Variants in CHST9 observed in about 807,000 individuals in gnomAD.
CHST9 encodes the protein carbohydrate sulfotransferase 9.
CHST9 carries 41 observed loss-of-function variants against 44.4 expected under a neutral mutation model. That is an observed-to-expected ratio of 0.92 (90% CI 0.72 to 1.20). The LOEUF is 1.20. Among genes scored for constraint, CHST9 ranks in the 50% most tolerant of loss-of-function variants. CHST9 has a pLI of 0.00. For synonymous variants in CHST9, 171 were observed against 178.4 expected, an observed-to-expected ratio of 0.96 and a Z score of 0.33; for missense variants, 504 against 516.5, an observed-to-expected ratio of 0.98 and a Z score of 0.23.
intron 4 of CHST9, among the ~76,000 whole-genome samples, chr18:26,957,337 C>T (rs554124348): frequency 3.3e-5 from 5 of 152,246 alleles, no homozygotes; most frequent in African/African-American, 1.2e-4. Context: ...TTTATGGAAA[C>T]TGTTGGTTGA....
At chr18:27,026,993 G>A (rs565260807) in intron 3 of CHST9, among the ~76,000 whole-genome samples, 74 of 152,272 alleles carry the variant, frequency 4.9e-4, no homozygotes, top group African/African-American at 1.7e-3. Context: ...TAAGTGAATA[G>A]GTCTAGAGCT....
chr18:26,929,163 C>T (rs1367508364), intron 5 of CHST9, among the ~76,000 whole-genome samples: 1 of 152,124 alleles, frequency 6.6e-6, no homozygotes, highest in Non-Finnish European at 1.5e-5. Context: ...AGAAAAGGAA[C>T]ACCCTACAAC....
rs185401780 is a variant in CHST9 at position 27,145,256 on chromosome 18, A to G, written c.-96-2351T>C. On this transcript the variant is annotated intron_variant, in intron 1 of 5. Coordinates refer to ENST00000618847, the MANE Select transcript of CHST9 (RefSeq NM_031422.6). ...GCCCAGGCTGGAGTGCAGTGCCGCA[A>G]TCTTGGCTCGCCGCAACCTCCACCT... Among the ~76,000 whole-genome samples the G allele has an allele frequency of 1.9e-4, 29 of 152,230 alleles. No homozygotes were observed. In the East Asian group the frequency reaches 4.1e-3, roughly 21 times the overall value.
chr18:27,100,435 T>G (rs183813400), intron 2 of CHST9, among the ~76,000 whole-genome samples: 1 of 151,738 alleles, frequency 6.6e-6, no homozygotes, highest in African/African-American at 2.4e-5. Context: ...AAAAGATAAA[T>G]AAGTGCTAGC....
chr18:27,075,510 G>A (rs2057894395), intron 2 of CHST9, among the ~76,000 whole-genome samples: 1 of 129,732 alleles, frequency 7.7e-6, no homozygotes, highest in Non-Finnish European at 1.6e-5. Context: ...ACTCCAAGTA[G>A]TCTGACATTC....
rs767048741 is a variant in CHST9 at position 26,916,669 on chromosome 18, C to T, written c.922G>A (p.Ala308Thr). 2.6e-5 allele frequency: 42 copies of T among 1,613,724 alleles called. No homozygotes were observed. The highest frequency in any genetic ancestry group is 3.5e-5 in the Non-Finnish European group (41 of 1,179,808). ...TTTGGTCGATATTTCTTGATAATTG[C>T]CTTTCCGAATACTGGATGGTAATAA... Reference protein sequence around the residue: ...NSYYHPVFGKAIIKKYRPNAC... With the variant: ...NSYYHPVFGKTIIKKYRPNAC... Residue 308 changes from alanine (A) to threonine (T), a missense_variant, in exon 6 of 6, where the codon GCA becomes ACA. Transcript: ENST00000618847.
intron 1 of CHST9, among the ~76,000 whole-genome samples, chr18:27,148,445 C>T (rs921809958): frequency 8.4e-6 from 1 of 119,688 alleles, no homozygotes; most frequent in Non-Finnish European, 1.6e-5. Flanking sequence ...GTGTGATGTT[C>T]CCCTTCCTGT....
intron 1 of CHST9, among the ~76,000 whole-genome samples, chr18:27,169,401 A>C (rs999197975): frequency 6.6e-6 from 1 of 152,176 alleles, no homozygotes; most frequent in African/African-American, 2.4e-5. Context: ...AAAAAATATA[A>C]GGCAAAAATT....
At chr18:27,151,243 T>C (rs1184112315) in intron 1 of CHST9, among the ~76,000 whole-genome samples, 1 of 152,156 alleles carries the variant, frequency 6.6e-6, no homozygotes, top group Non-Finnish European at 1.5e-5. Context: ...ATCATTTCTA[T>C]ATGTTTTCAC....
At chr18:27,057,579 C>T (rs2057671751) in intron 2 of CHST9, among the ~76,000 whole-genome samples, 1 of 152,182 alleles carries the variant, frequency 6.6e-6, no homozygotes, top group South Asian at 2.1e-4. Context: ...TGCTAGGACG[C>T]TTAGGCAAAG....
At chr18:26,983,259 C>T (rs1046475249) in intron 4 of CHST9, among the ~76,000 whole-genome samples, 4 of 152,132 alleles carry the variant, frequency 2.6e-5, no homozygotes, top group Non-Finnish European at 5.9e-5. Flanking sequence ...TTCTGGGTCC[C>T]TGATAGTTTG....
chr18:26,994,642 T>G (rs145942934), intron 4 of CHST9, among the ~76,000 whole-genome samples: 28 of 152,238 alleles, frequency 1.8e-4, no homozygotes, highest in African/African-American at 6.5e-4. Flanking sequence ...CAGGCTGAAG[T>G]GCAGTGGTGC....
chr18:27,163,962 T>C (rs1390547583), intron 1 of CHST9, among the ~76,000 whole-genome samples: 2 of 152,158 alleles, frequency 1.3e-5, no homozygotes, highest in Non-Finnish European at 2.9e-5. Flanking sequence ...GCTCCACCCT[T>C]GTTTCACACA....
intron 1 of CHST9, among the ~76,000 whole-genome samples, chr18:27,175,938 A>C (rs2058864920): frequency 6.6e-6 from 1 of 152,082 alleles, no homozygotes; most frequent in Admixed American, 6.6e-5. Context: ...AAAGGGATTT[A>C]ATTCAATTTA....
At chr18:26,926,760 T>A (rs2055775968) in intron 5 of CHST9, among the ~76,000 whole-genome samples, 1 of 152,232 alleles carries the variant, frequency 6.6e-6, no homozygotes, top group African/African-American at 2.4e-5. Flanking sequence ...GAGCTGCAAC[T>A]TGATAAATGA....
At chr18:27,137,581 A>T (rs919642242) in intron 2 of CHST9, among the ~76,000 whole-genome samples, 1 of 152,164 alleles carries the variant, frequency 6.6e-6, no homozygotes, top group African/African-American at 2.4e-5. Flanking sequence ...CAGTGGCTAC[A>T]GCTCACACAG....
At chr18:27,170,166 T>G (rs539358764) in intron 1 of CHST9, among the ~76,000 whole-genome samples, 1 of 152,320 alleles carries the variant, frequency 6.6e-6, no homozygotes, top group South Asian at 2.1e-4. Flanking sequence ...CCTTATTCTA[T>G]TTCCCCTTAC....
chr18:27,104,942 A>G, intron 2 of CHST9, among the ~76,000 whole-genome samples: 1 of 152,172 alleles, frequency 6.6e-6, no homozygotes, highest in East Asian at 1.9e-4. Context: ...TTGTTAAATG[A>G]ATAAAAGATG....
chr18:27,172,041 T>C (rs1213390269), intron 1 of CHST9, among the ~76,000 whole-genome samples: 1 of 152,172 alleles, frequency 6.6e-6, no homozygotes, highest in Admixed American at 6.5e-5. Context: ...ACTTATAATA[T>C]CTAGAATTAT....
Sources: gnomAD v4.1 joint callset for allele counts (sites outside exome capture counted in the v4.1 genomes callset) on GRCh38, gnomAD v4.1.1 for gene constraint, MANE v1.5 for transcripts, NCBI Gene and HGNC (gene_info 2026-07-23, HGNC 2026-07-21) for gene names.